Variants in LITAF observed in about 807,000 individuals in gnomAD.
The protein encoded by LITAF is lipopolysaccharide-induced tumor necrosis factor-alpha factor.
LITAF carries 9 observed loss-of-function variants against 14.5 expected under a neutral mutation model. The ratio of observed to expected loss-of-function variants is 0.62; its 90% CI spans 0.37 to 1.08. LITAF has a LOEUF of 1.08. Among genes scored for constraint, LITAF ranks in the 50% least tolerant of loss-of-function variants. LITAF has a pLI of 0.01. For missense variants in LITAF, 206 were observed against 213.4 expected (o/e 0.97, Z 0.22); for synonymous variants, 98 against 88.2 (o/e 1.11, Z -0.62).
At chr16:11,580,849 C>G (rs1037604544) in intron 1 of LITAF, among the ~76,000 whole-genome samples, 9 of 152,182 alleles carry the variant, frequency 5.9e-5, no homozygotes, top group Non-Finnish European at 1.5e-5. Context: ...ACTGCAGCCT[C>G]GACCTCCCAG....
In LITAF at chr16:11,549,644, C is replaced by T. The variant is rs864622744; in HGVS notation, c.479G>A (p.Arg160His). 9.3e-6 allele frequency: 15 copies of T among 1,612,364 alleles called. No individual in the cohort carries two copies. The highest frequency in any genetic ancestry group is 1.7e-5 in the Admixed American group (1 of 59,856). ...NCRALLGTYK[R>H]L ...TCCACGTCTGGCTGAGTCCTACAAA[C>T]GCTTGTAGGTGCCCAGGAGAGCTCT... The change falls in exon 4 of 4, where the codon CGT (arginine) becomes CAT (histidine). Residue 160 changes from arginine to histidine, a missense_variant. Transcript: ENST00000622633. The surrounding 1 kb of genome is among the most constrained non-coding windows in gnomAD (Gnocchi z 4.6).
At chr16:11,573,349 C>G (rs7188014) in intron 1 of LITAF, among the ~76,000 whole-genome samples, 118,568 of 152,194 alleles carry the variant, frequency 0.78, 46,734 homozygotes, top group African/African-American at 0.89. Context: ...GCCTGGGTAT[C>G]GATAAACTGA....
intron 3 of LITAF, among the ~76,000 whole-genome samples, chr16:11,620,828 T>C (rs983640561): frequency 1.1e-4 from 16 of 152,212 alleles, no homozygotes; most frequent in Admixed American, 5.2e-4. Flanking sequence ...GGCACTGTCA[T>C]GGCCCTGCCC....
chr16:11,595,462 G>A (rs762347773), intron 1 of LITAF, among the ~76,000 whole-genome samples: 9 of 152,232 alleles, frequency 5.9e-5, no homozygotes, highest in Non-Finnish European at 1.0e-4. Context: ...GGACACGGTG[G>A]CTCAAGCCTG....
chr16:11,549,557 A>C lies in LITAF; in HGVS notation c.*80T>G, dbSNP rs752772007. ...GGAGAGGTGAGACCACCAGGGCAGA[A>C]CCTCCACCAGGCGTGAAGCTGGATG... is the stretch of plus-strand genomic sequence containing the variant. On this transcript the variant is annotated 3_prime_UTR_variant, in exon 4 of 4. Coordinates refer to ENST00000622633, the MANE Select transcript of LITAF (RefSeq NM_001136472.2). This position sits in a 1 kb window ranked among gnomAD's most constrained non-coding sequence, Gnocchi z 4.6. The C allele has an allele frequency of 3.7e-6, 4 of 1,071,708 alleles. No individual in the cohort carries two copies. Among genetic ancestry groups the C allele is most frequent in the Non-Finnish European group, 4.2e-6 (3 of 708,498 alleles). The allele number at this position is 1,071,708 out of a possible 1,614,324, so 66.4% of individuals were successfully genotyped here.
At chr16:11,620,805 A>C (rs1462633549) in intron 3 of LITAF, among the ~76,000 whole-genome samples, 1 of 152,244 alleles carries the variant, frequency 6.6e-6, no homozygotes, top group Non-Finnish European at 1.5e-5. Context: ...GGCCCCATGT[A>C]ACAGGTGCAG....
intron 1 of LITAF, among the ~76,000 whole-genome samples, chr16:11,582,319 G>GA (rs35892278): frequency 0.35 from 34,658 of 99,796 alleles, 6,674 homozygotes; most frequent in African/African-American, 0.56. Flanking sequence ...ACTCACAACG[G>GA]AAAAAAAAAA....
chr16:11,559,306 T>G (rs190169555), intron 1 of LITAF, among the ~76,000 whole-genome samples: 174 of 152,290 alleles, frequency 1.1e-3, no homozygotes, highest in African/African-American at 4.1e-3. Flanking sequence ...GAATTTTTTT[T>G]GTTTTAGCTT....
At chr16:11,579,902 T>C (rs2064706811) in intron 1 of LITAF, among the ~76,000 whole-genome samples, 1 of 152,210 alleles carries the variant, frequency 6.6e-6, no homozygotes, top group Non-Finnish European at 1.5e-5. Context: ...CAGGATCTAT[T>C]TCTTTGGCAT....
intron 1 of LITAF, among the ~76,000 whole-genome samples, chr16:11,573,582 C>T (rs776453077): frequency 2.6e-5 from 4 of 151,774 alleles, no homozygotes; most frequent in Non-Finnish European, 5.9e-5. Flanking sequence ...GGTACTGAAA[C>T]GAGGAAGAGT....
intron 3 of LITAF, among the ~76,000 whole-genome samples, chr16:11,614,675 C>T (rs1234335440): frequency 5.3e-5 from 8 of 152,176 alleles, no homozygotes; most frequent in Non-Finnish European, 1.2e-4. Flanking sequence ...CTTCAGCTCA[C>T]TGCAACCTCC....
intron 3 of LITAF, chr16:11,551,829 C>G: frequency 1.8e-6 from 1 of 565,660 alleles, no homozygotes; most frequent in Non-Finnish European, 3.2e-6. Flanking sequence ...AAGACTCAGC[C>G]TCAAACAAAA....
At chr16:11,598,799 G>A (rs767339689), upstream of LITAF, among the ~76,000 whole-genome samples, 38 of 151,996 alleles carry the variant, frequency 2.5e-4, no homozygotes, top group African/African-American at 4.1e-4. Context: ...AGCAGGCACC[G>A]TGCCTCATTC....
In LITAF at chr16:11,632,688, C is replaced by T. The variant is rs942641042; in HGVS notation, c.85+845G>A. On this transcript the variant is annotated intron_variant, in intron 3 of 3. Transcript: ENST00000574848. This position sits in a 1 kb window ranked among gnomAD's most constrained non-coding sequence, Gnocchi z 4.8. ...ACCCCAGGCCCAAGGCAGATGCCAC[C>T]CAGGCCCTTCTTTCGGTTCTGCAAA... is the stretch of plus-strand genomic sequence containing the variant. Among the ~76,000 whole-genome samples, 2 of 152,158 alleles carry T rather than the reference C, an allele frequency of 1.3e-5. No individual in the cohort carries two copies. Among genetic ancestry groups the T allele is most frequent in the Admixed American group, 6.5e-5 (1 of 15,278 alleles).
Position 11,634,956 on chromosome 16 carries a change from C to G in LITAF, c.-21+869G>C, listed in dbSNP as rs1005915560. Among the ~76,000 whole-genome samples, 2 of 152,038 alleles carry G rather than the reference C, an allele frequency of 1.3e-5. No individual in the cohort carries two copies. Among genetic ancestry groups the G allele is most frequent in the Non-Finnish European group, 2.9e-5 (2 of 68,016 alleles). ...GGCTGAGGCAGGAGAATCGATTGAACCCGGGAAGCGGAGGTTGCAGAGAGC... is the reference window on the plus strand; with the variant it reads ...GGCTGAGGCAGGAGAATCGATTGAAGCCGGGAAGCGGAGGTTGCAGAGAGC... On this transcript the variant is annotated intron_variant, in intron 2 of 3. Transcript: ENST00000574848. This position sits in a 1 kb window ranked among gnomAD's most constrained non-coding sequence, Gnocchi z 4.1.
intron 3 of LITAF, among the ~76,000 whole-genome samples, chr16:11,608,105 C>T (rs1286224575): frequency 2.0e-5 from 3 of 152,308 alleles, no homozygotes; most frequent in African/African-American, 7.2e-5. Flanking sequence ...GCTTCCAGGA[C>T]ACAGAGCTCT....
upstream of LITAF, among the ~76,000 whole-genome samples, chr16:11,636,906 G>A (rs891884426): frequency 7.5e-5 from 11 of 146,752 alleles, no homozygotes; most frequent in Non-Finnish European, 1.3e-4. Flanking sequence ...GTCTAGCTTT[G>A]TTGCCCAGAC....
chr16:11,638,040 A>C (rs111559793), upstream of LITAF, among the ~76,000 whole-genome samples: 2 of 103,518 alleles, frequency 1.9e-5, 1 homozygote, highest in African/African-American at 1.2e-4. Flanking sequence ...ATCTATATAT[A>C]TCTATATATA....
chr16:11,625,548 C>G (rs1340632834), intron 3 of LITAF, among the ~76,000 whole-genome samples: 1 of 152,096 alleles, frequency 6.6e-6, no homozygotes, highest in Admixed American at 6.6e-5. Context: ...CAGGTGTGAG[C>G]CACTGTGCCT....
Sources: allele counts gnomAD v4.1 joint callset (sites outside exome capture counted in the v4.1 genomes callset), GRCh38; gene constraint gnomAD v4.1.1; non-coding constraint Gnocchi (gnomAD v3.1); transcripts MANE v1.5; gene names NCBI Gene and HGNC (gene_info 2026-07-23, HGNC 2026-07-21).